Variants in MMP16 observed in about 807,000 individuals in gnomAD.
MMP16 encodes matrix metallopeptidase 16.
A neutral mutation model predicts 67.8 loss-of-function variants in MMP16; 12 were observed. That is an observed-to-expected ratio of 0.18 (90% CI 0.11 to 0.29). The LOEUF (loss-of-function observed/expected upper bound fraction) is 0.29. Ranked by LOEUF, MMP16 falls within the 10% of genes least tolerant of loss-of-function variation. The pLI is 1.00. For synonymous variants in MMP16, 249 were observed against 255.9 expected (o/e 0.97, Z 0.26); for missense variants, 475 against 765.7 (o/e 0.62, Z 4.48).
At chr8:88,110,243 A>C (rs1374079583) in intron 6 of MMP16, among the ~76,000 whole-genome samples, 1 of 151,482 alleles carries the variant, frequency 6.6e-6, no homozygotes, top group Non-Finnish European at 1.5e-5. Context: ...TTACTGACTA[A>C]TACTTGCCTT....
At chr8:88,283,853 G>A (rs1021627946) in intron 1 of MMP16, among the ~76,000 whole-genome samples, 5 of 152,076 alleles carry the variant, frequency 3.3e-5, no homozygotes, top group African/African-American at 9.7e-5. Context: ...CACATAAGCT[G>A]CTCACTGACT....
intron 1 of MMP16, among the ~76,000 whole-genome samples, chr8:88,237,572 C>T (rs1809962040): frequency 6.6e-6 from 1 of 151,832 alleles, no homozygotes; most frequent in Non-Finnish European, 1.5e-5. Context: ...TGGCGGGAAC[C>T]CGGGAGGCGG....
chr8:88,288,347 TTTC>T (rs1286417554), intron 1 of MMP16, among the ~76,000 whole-genome samples: 1 of 152,136 alleles, frequency 6.6e-6, no homozygotes, highest in African/African-American at 2.4e-5. Context: ...CACCATTTTT[TTTC>T]TTTTTTCTTT....
chr8:88,165,124 C>T lies in MMP16; in HGVS notation c.709+2545G>A, dbSNP rs148517417. On this transcript the variant is annotated intron_variant, in intron 4 of 9. Transcript: ENST00000286614. ...TCAGGAAGTTAAGGTAGGAGGATTG[C>T]TTCAGCCCAAGAGTTCAAGTCCAGC... is the stretch of plus-strand genomic sequence containing the variant. Among the ~76,000 whole-genome samples the T allele has an allele frequency of 3.4e-4, 50 of 146,160 alleles. 3 individuals carry two copies. In the East Asian group the frequency reaches 9.7e-3, roughly 28 times the overall value.
At chr8:88,166,384 AT>A (rs1391799544) in intron 4 of MMP16, among the ~76,000 whole-genome samples, 1 of 151,928 alleles carries the variant, frequency 6.6e-6, no homozygotes, top group East Asian at 1.9e-4. Context: ...ATAACTGCAA[AT>A]TTTTTAAAAC....
chr8:88,258,139 G>T (rs1290978679), intron 1 of MMP16, among the ~76,000 whole-genome samples: 1 of 151,512 alleles, frequency 6.6e-6, no homozygotes, highest in Non-Finnish European at 1.5e-5. Flanking sequence ...TCTGCCTCCC[G>T]GGTTCACGTC....
intron 6 of MMP16, among the ~76,000 whole-genome samples, chr8:88,095,809 T>C (rs576742455): frequency 4.5e-4 from 69 of 151,974 alleles, no homozygotes; most frequent in African/African-American, 1.6e-3. Flanking sequence ...AAATCACTGA[T>C]TACGTAGAAT....
chr8:88,158,006 AT>A (rs1808543861), intron 4 of MMP16, among the ~76,000 whole-genome samples: 2 of 152,072 alleles, frequency 1.3e-5, no homozygotes, highest in South Asian at 4.1e-4. Flanking sequence ...TGAACTCATC[AT>A]TTTTTATGGC....
chr8:88,168,493 T>C (rs745622528), intron 3 of MMP16, among the ~76,000 whole-genome samples: 48 of 152,220 alleles, frequency 3.2e-4, no homozygotes, highest in Non-Finnish European at 6.3e-4. Flanking sequence ...GATGTTCTAT[T>C]GTTTCTTATT....
At chr8:88,169,935 T>C (rs181742471) in intron 3 of MMP16, among the ~76,000 whole-genome samples, 2 of 152,140 alleles carry the variant, frequency 1.3e-5, no homozygotes, top group African/African-American at 4.8e-5. Flanking sequence ...TTAATAAATG[T>C]CTTGAGACAT....
chr8:88,232,296 C>A (rs1182831009), intron 1 of MMP16, among the ~76,000 whole-genome samples: 2 of 152,048 alleles, frequency 1.3e-5, no homozygotes, highest in South Asian at 2.1e-4. Flanking sequence ...ATAGAAAATG[C>A]CATTTTACAG....
intron 6 of MMP16, among the ~76,000 whole-genome samples, chr8:88,101,168 A>G (rs1257644886): frequency 6.6e-6 from 1 of 151,932 alleles, no homozygotes; most frequent in Non-Finnish European, 1.5e-5. Flanking sequence ...CATTATACAG[A>G]TGAAAAAACT....
chr8:88,096,152 T>C (rs1169795891), intron 6 of MMP16, among the ~76,000 whole-genome samples: 2 of 152,022 alleles, frequency 1.3e-5, no homozygotes, highest in South Asian at 2.1e-4. Context: ...GCAGACAATA[T>C]GATATCAACG....
Position 88,324,432 on chromosome 8 carries a change from A to G in MMP16, c.132+2643T>C, listed in dbSNP as rs577599627. Among the ~76,000 whole-genome samples, 5 of 152,258 alleles carry G rather than the reference A, an allele frequency of 3.3e-5. No homozygotes were observed. In the South Asian group the frequency reaches 1.0e-3, roughly 32 times the overall value. The stretch of plus-strand genomic sequence containing the variant: ...TCTTAAACCTTAAATCACAGAGATA[A>G]AAAAGAATGGGGGGACCACAAATTG... On this transcript the variant is annotated intron_variant, in intron 1 of 9. Coordinates refer to ENST00000286614, the MANE Select transcript of MMP16 (RefSeq NM_005941.5).
chr8:88,288,026 T>C (rs569254923), intron 1 of MMP16, among the ~76,000 whole-genome samples: 211 of 152,220 alleles, frequency 1.4e-3, no homozygotes, highest in Non-Finnish European at 2.5e-3. Context: ...CACAAATGCA[T>C]GCACTATCAA....
At chr8:88,159,009 T>C (rs750370004) in intron 4 of MMP16, among the ~76,000 whole-genome samples, 2 of 152,212 alleles carry the variant, frequency 1.3e-5, no homozygotes, top group Non-Finnish European at 2.9e-5. Flanking sequence ...GGCTCTGTTC[T>C]GTTCCATTTG....
chr8:88,284,619 C>T (rs978088550), intron 1 of MMP16, among the ~76,000 whole-genome samples: 4 of 151,988 alleles, frequency 2.6e-5, no homozygotes, highest in African/African-American at 9.7e-5. Context: ...CTGGGAAGCA[C>T]CTCTCAGAAG....
chr8:88,153,448 C>G (rs1276573739), intron 4 of MMP16, among the ~76,000 whole-genome samples: 1 of 152,200 alleles, frequency 6.6e-6, no homozygotes, highest in African/African-American at 2.4e-5. Flanking sequence ...AGGCATCACA[C>G]TACATGACTT....
chr8:88,176,818 G>A (rs1403946842), intron 3 of MMP16, among the ~76,000 whole-genome samples: 2 of 152,188 alleles, frequency 1.3e-5, no homozygotes, highest in East Asian at 3.9e-4. Context: ...GCCTTAATTA[G>A]TATTGTTTTA....
Sources: allele counts gnomAD v4.1 joint callset (sites outside exome capture counted in the v4.1 genomes callset), GRCh38; gene constraint gnomAD v4.1.1; transcripts MANE v1.5; gene names NCBI Gene and HGNC (gene_info 2026-07-23, HGNC 2026-07-21).